Variants in SLC43A3 observed in about 807,000 individuals in gnomAD.
SLC43A3 encodes the protein equilibrative nucleobase transporter 1.
Under a neutral mutation model 53.3 loss-of-function variants are expected in SLC43A3, and 33 were observed. The observed-to-expected ratio is 0.62, with a 90% CI of 0.47 to 0.83. The LOEUF (loss-of-function observed/expected upper bound fraction) is 0.83, where lower values mean the gene tolerates loss of function less well. Among genes scored for constraint, SLC43A3 ranks in the 40% least tolerant of loss-of-function variants. SLC43A3 has a pLI of 0.00. For missense variants in SLC43A3, 530 were observed against 610.0 expected (o/e 0.87, Z 1.38); for synonymous variants, 236 against 246.2 (o/e 0.96, Z 0.39).
At chr11:57,419,117 C>G (rs923334160) in intron 7 of SLC43A3, among the ~76,000 whole-genome samples, 1 of 152,234 alleles carries the variant, frequency 6.6e-6, no homozygotes, top group African/African-American at 2.4e-5. Context: ...CCCATCCCCA[C>G]AGCCGGTGGA....
At position 57,408,639 on chromosome 11, in the gene SLC43A3, G is replaced by A. The variant is rs187861831; in HGVS notation, c.1371+536C>T. The A allele has an allele frequency of 6.2e-4, 95 of 153,554 alleles. 1 individual carries two copies. Among genetic ancestry groups the A allele is most frequent in the Admixed American group, 3.6e-3 (55 of 15,490 alleles). 9.5% of individuals were successfully genotyped at this position (153,554 alleles called of 1,614,324 possible). On this transcript the variant is annotated intron_variant, in intron 13 of 13. Coordinates refer to ENST00000395124, the MANE Select transcript of SLC43A3 (RefSeq NM_199329.3). The stretch of plus-strand genomic sequence containing the variant: ...GATTTAAACTCCTATTCTAAGATTT[G>A]CTGCTTTAAAAATAAAAAATGAGGC...
intron 4 of SLC43A3, among the ~76,000 whole-genome samples, chr11:57,424,608 T>C (rs1428837201): frequency 6.8e-6 from 1 of 146,780 alleles, no homozygotes; most frequent in Non-Finnish European, 1.5e-5. Context: ...TTGTAAGGCA[T>C]GGAGTAAAAA....
At chr11:57,425,699 T>A in intron 3 of SLC43A3, 29 bp from the exon 4 acceptor site, 1 of 1,612,724 alleles carries the variant, frequency 6.2e-7, no homozygotes, top group South Asian at 1.1e-5. Flanking sequence ...CTCCCATGCA[T>A]CCCAGCCTTC....
rs552533329 is a variant in SLC43A3, at chr11:57,408,757, C to A, written c.1371+418G>T. ...TGAACACGTAAGTAACCTCTTTGAG[C>A]CTCAGTTTCTGCAAAGAGCAGGAGA... On this transcript the variant is annotated intron_variant, in intron 13 of 13. Transcript: ENST00000395124. The A allele has an allele frequency of 2.9e-5, 5 of 171,622 alleles. No homozygotes were observed. The South Asian group carries it at 7.0e-4, about 24-fold the overall frequency. 10.6% of individuals were successfully genotyped at this position (171,622 alleles called of 1,614,324 possible).
chr11:57,421,235 C>T, intron 6 of SLC43A3, 62 bp downstream of exon 6: 1 of 1,447,774 alleles, frequency 6.9e-7, no homozygotes, highest in Admixed American at 1.8e-5. Flanking sequence ...AGAAAAGGGT[C>T]TCTCCTTCCC....
chr11:57,422,957 T>C (rs1233973695), intron 5 of SLC43A3, among the ~76,000 whole-genome samples: 2 of 152,246 alleles, frequency 1.3e-5, no homozygotes, highest in African/African-American at 4.8e-5. Context: ...AGCTTTAGCA[T>C]AGCTTACACA....
intron 11 of SLC43A3, among the ~76,000 whole-genome samples, chr11:57,413,471 T>C (rs905499431): frequency 2.0e-5 from 3 of 152,178 alleles, no homozygotes; most frequent in Non-Finnish European, 4.4e-5. Flanking sequence ...TTGTTAGAGA[T>C]ACATGTACGG....
chr11:57,415,083 G>C lies in SLC43A3; in HGVS notation c.793C>G (p.Gln265Glu). Residue 265 changes from glutamine to glutamate, a missense_variant, in exon 10 of 14, where the codon CAG becomes GAG. By Grantham distance (29) the Gln-to-Glu change is conservative (BLOSUM62 2). Around this residue, in one of 3 missense-constraint regions of SLC43A3, gnomAD observed 376 missense variants for 386.7 expected, o/e 0.97. Transcript: ENST00000395124. ...KEETPGAGQKQELRSFWSYAF... is the reference protein window; with the variant it reads ...KEETPGAGQKEELRSFWSYAF... Reference sequence around the variant, plus strand: ...TAGCTCCAGAAGGAGCGGAGTTCCTGCTTCTGCCCTGCCCCTGGGGTCTCT... The same window carrying C: ...TAGCTCCAGAAGGAGCGGAGTTCCTCCTTCTGCCCTGCCCCTGGGGTCTCT... The C allele has an allele frequency of 6.2e-7, 1 of 1,612,700 alleles. No individual in the cohort carries two copies. The highest frequency in any genetic ancestry group is 8.5e-7 in the Non-Finnish European group (1 of 1,179,158).
Position 57,410,042 on chromosome 11 carries a change from G to C in SLC43A3, c.1140C>G (p.Ala380=). ...GGAGGATGGGGACTGAGGCACAGAG[G>C]GCGAAGCCCAGGCACAGCAGGGATG... ...ALTSLLCLGF[A]LCASVPILPL... The change falls in exon 12 of 14, where the codon GCC becomes GCG. Residue 380 remains alanine (A), a synonymous_variant. Transcript: ENST00000395124. 6.2e-7 allele frequency: 1 copy of C among 1,612,960 alleles called. No individual in the cohort carries two copies. Among genetic ancestry groups the C allele is most frequent in the Non-Finnish European group, 8.5e-7 (1 of 1,179,730 alleles).
At chr11:57,408,071 A>G (rs555278878) in intron 13 of SLC43A3, 175 bp from the exon 14 acceptor site, 12 of 570,110 alleles carry the variant, frequency 2.1e-5, no homozygotes, top group Non-Finnish European at 3.8e-5. Flanking sequence ...ACTTTCAGTT[A>G]CTTTTCATTC....
At chr11:57,425,469 C>G (rs1007118957) in intron 4 of SLC43A3, 72 bp downstream of exon 4, 1 of 1,533,204 alleles carries the variant, frequency 6.5e-7, no homozygotes, top group African/African-American at 1.4e-5. Flanking sequence ...CTCTGGATTT[C>G]ACTCCAAGCT....
intron 4 of SLC43A3, 107 bp downstream of exon 4, chr11:57,425,434 C>T (rs1229786579): frequency 1.6e-6 from 2 of 1,215,316 alleles, no homozygotes; most frequent in Non-Finnish European, 2.4e-6. Context: ...GGTGTGGTGC[C>T]TGGCAGGGTG....
intron 11 of SLC43A3, 133 bp from the exon 12 acceptor site, chr11:57,410,254 C>A (rs1252264229): frequency 3.0e-6 from 2 of 667,724 alleles, no homozygotes; most frequent in Non-Finnish European, 4.9e-6. Flanking sequence ...TGGGAGTCAT[C>A]CTCGAATCCT....
chr11:57,409,413 GCCCTCCAACCACACCTGTCTGGCCTTT>G, intron 12 of SLC43A3, 115 bp from the exon 13 acceptor site: 1 of 1,196,368 alleles, frequency 8.4e-7, no homozygotes, highest in Non-Finnish European at 1.2e-6. Flanking sequence ...TCCTAGGCCT[GCCCTCCAACCACACCTGTCTGGCCTTT>G]CCCTCTTCAG....
In SLC43A3 at chr11:57,418,556, C is replaced by T. The variant is rs190465980; in HGVS notation, c.532-669G>A. Among the ~76,000 whole-genome samples, 303 of 152,000 alleles carry T rather than the reference C, an allele frequency of 2.0e-3. 1 individual carries two copies. The highest frequency in any genetic ancestry group is 2.6e-3 in the Non-Finnish European group (179 of 67,962). ...AAAATAAATAAATAAATCAGCTGGGCGTGATGGTGCACGCCTGTAATTCCA... is the reference window on the plus strand; with the variant it reads ...AAAATAAATAAATAAATCAGCTGGGTGTGATGGTGCACGCCTGTAATTCCA... On this transcript the variant is annotated intron_variant, in intron 7 of 13. Transcript: ENST00000395124.
At position 57,426,340 on chromosome 11, in the gene SLC43A3, G is replaced by A. The variant is rs1943196340; in HGVS notation, c.-168C>T. 1 of 615,694 alleles carries A rather than the reference G, an allele frequency of 1.6e-6. No individual in the cohort carries two copies. The highest frequency in any genetic ancestry group is 2.9e-5 in the Admixed American group (1 of 34,042). The allele number at this position is 615,694 out of a possible 1,614,324, so 38.1% of individuals were successfully genotyped here. A position where few individuals can be genotyped will look rare whatever the true frequency, so the allele number is the denominator to read the frequency against. On this transcript the variant is annotated 5_prime_UTR_variant, in exon 3 of 14. Coordinates refer to ENST00000395124, the MANE Select transcript of SLC43A3 (RefSeq NM_199329.3). ...GCCTGGGCAAAAACCATCAGCGGGTGATTCTCTGGATCCTGTAGAATAAAG... is the reference window on the plus strand; with the variant it reads ...GCCTGGGCAAAAACCATCAGCGGGTAATTCTCTGGATCCTGTAGAATAAAG...
chr11:57,422,813 T>C (rs947308808), intron 5 of SLC43A3, among the ~76,000 whole-genome samples: 4 of 152,208 alleles, frequency 2.6e-5, no homozygotes, highest in African/African-American at 7.2e-5. Context: ...GAGTAGATGA[T>C]GCTGGTTTGA....
intron 10 of SLC43A3, 36 bp downstream of exon 10, chr11:57,414,897 C>T (rs2135005953): frequency 1.2e-6 from 2 of 1,608,444 alleles, no homozygotes; most frequent in South Asian, 1.1e-5. Context: ...CCAGCTGGGA[C>T]ATGCAGATGG....
chr11:57,416,734 G>T, intron 8 of SLC43A3, 64 bp from the exon 9 acceptor site: 1 of 1,271,654 alleles, frequency 7.9e-7, no homozygotes, highest in Non-Finnish European at 1.1e-6. Flanking sequence ...GACTCAGACT[G>T]GAGGGAATAG....
Sources: gnomAD v4.1 joint callset for allele counts (sites outside exome capture counted in the v4.1 genomes callset) on GRCh38, gnomAD v4.1.1 for gene constraint, gnomAD v4.1.1 regional missense constraint, MANE v1.5 for transcripts, NCBI Gene and HGNC (gene_info 2026-07-23, HGNC 2026-07-21) for gene names.